The following CFAP74 variants were observed in gnomAD, a reference collection of about 807,000 sequenced individuals.
CFAP74 encodes cilia and flagella associated protein 74.
CFAP74 carries 124 observed loss-of-function variants against 188.9 expected under a neutral mutation model. The observed-to-expected ratio is 0.66, with a 90% CI of 0.57 to 0.76. The LOEUF (loss-of-function observed/expected upper bound fraction) is 0.76, where lower values mean the gene tolerates loss of function less well. Ranked by LOEUF, CFAP74 falls within the 30% of genes least tolerant of loss-of-function variation. The probability of loss-of-function intolerance (pLI) is 0.00; values close to 1 mark genes in which losing one functional copy is unlikely to be tolerated. For missense variants in CFAP74, 2,198 were observed against 2,165.2 expected (o/e 1.02, Z -0.30); for synonymous variants, 956 against 916.7 (o/e 1.04, Z -0.77).
intron 1 of CFAP74, among the ~76,000 whole-genome samples, chr1:1,993,981 C>CA (rs768891127): frequency 3.3e-4 from 50 of 150,052 alleles, no homozygotes; most frequent in Non-Finnish European, 4.7e-4. Flanking sequence ...GACTCCGTCT[C>CA]AAAAAAAATA....
chr1:1,991,777 C>T (rs1051371864), intron 1 of CFAP74, among the ~76,000 whole-genome samples: 69 of 152,256 alleles, frequency 4.5e-4, no homozygotes, highest in African/African-American at 9.9e-4. Flanking sequence ...TGGTGGCTCA[C>T]ACCTGTAATC....
chr1:1,932,702 C>T (rs961979116), intron 25 of CFAP74, among the ~76,000 whole-genome samples: 3 of 149,552 alleles, frequency 2.0e-5, no homozygotes, highest in Non-Finnish European at 4.4e-5. Context: ...CAATGATTCT[C>T]CTGCCTCAGT....
At chr1:2,003,223 C>G (rs1658289419) in intron 1 of CFAP74, among the ~76,000 whole-genome samples, 1 of 152,210 alleles carries the variant, frequency 6.6e-6, no homozygotes, top group African/African-American at 2.4e-5. Flanking sequence ...GTGGGCCCTA[C>G]AGCAGGCCTG....
At position 1,968,277 on chromosome 1, in the gene CFAP74, A is replaced by G. The variant is rs573487783; in HGVS notation, c.1245+358T>C. 6.6e-6 allele frequency among the ~76,000 whole-genome samples: 1 copy of G among 152,244 alleles called. No individual in the cohort carries two copies. The highest frequency in any genetic ancestry group is 2.4e-5 in the African/African-American group (1 of 41,538). ...GCATGTGGTCTGAACGGCTGTGCACATCTCCCTGGCAGGCGGCTGACCCAG... is the reference window on the plus strand; with the variant it reads ...GCATGTGGTCTGAACGGCTGTGCACGTCTCCCTGGCAGGCGGCTGACCCAG... On this transcript the variant is annotated intron_variant, in intron 11 of 38. Coordinates refer to ENST00000682832, the MANE Select transcript of CFAP74 (RefSeq NM_001304360.2). The surrounding 1 kb of genome is among the most constrained non-coding windows in gnomAD (Gnocchi z 4.3).
chr1:1,960,578 G>A (rs1329866490), intron 14 of CFAP74, among the ~76,000 whole-genome samples: 1 of 152,226 alleles, frequency 6.6e-6, no homozygotes, highest in South Asian at 2.1e-4. Flanking sequence ...CAGGGTGAGG[G>A]AGCATCTCCC....
chr1:1,949,734 T>C (rs1654090799), intron 18 of CFAP74, among the ~76,000 whole-genome samples: 1 of 152,180 alleles, frequency 6.6e-6, no homozygotes, highest in Non-Finnish European at 1.5e-5. Flanking sequence ...AGCCAAAATA[T>C]TCTTTTTCTA....
At chr1:1,998,164 G>T (rs1309522291) in intron 1 of CFAP74, among the ~76,000 whole-genome samples, 2 of 152,140 alleles carry the variant, frequency 1.3e-5, no homozygotes, top group Non-Finnish European at 2.9e-5. Context: ...TGTAATCCCA[G>T]CTACTTCGGA....
chr1:1,939,545 G>GACTTCCCAGC, intron 24 of CFAP74, 49 bp downstream of exon 24: 1 of 1,502,674 alleles, frequency 6.7e-7, no homozygotes, highest in Non-Finnish European at 8.9e-7. Flanking sequence ...CTGTCCCCAG[G>GACTTCCCAGC]ACTTCCCAGC....
chr1:1,991,096 G>T, intron 1 of CFAP74, 121 bp from the exon 2 acceptor site: 1 of 643,120 alleles, frequency 1.6e-6, no homozygotes, highest in Non-Finnish European at 2.7e-6. Flanking sequence ...AAAAATATTT[G>T]CAGCACACAC....
rs752282092 is a variant in CFAP74, at chr1:1,964,944, C to A, written c.1519G>T (p.Gly507Trp). ...SRVVHKQVVW[G>W]REFQGRPFNS... ...AAGGGGCGTCCTTGGAACTCACGCC[C>A]CCACACCACCTGCTTGTGGACCACC... The change falls in exon 13 of 39, where the codon GGG becomes TGG. Residue 507 changes from glycine to tryptophan, a missense_variant. Gly to Trp is a radical substitution (Grantham distance 184). Transcript: ENST00000682832. 1 of 1,614,006 alleles carries A rather than the reference C, an allele frequency of 6.2e-7. No individual in the cohort carries two copies. Among genetic ancestry groups the A allele is most frequent in the South Asian group, 1.1e-5 (1 of 91,084 alleles).
chr1:1,923,289 T>C lies in CFAP74; in HGVS notation c.4522+78A>G. ...GCTGGGAATCCCTGCCCTGCTCCGCTGGGTCTCGGGGCCCCCATCCACGGG... is the reference window on the plus strand; with the variant it reads ...GCTGGGAATCCCTGCCCTGCTCCGCCGGGTCTCGGGGCCCCCATCCACGGG... On this transcript the variant is annotated intron_variant, in intron 36 of 38. Transcript: ENST00000682832. The surrounding 1 kb of genome is among the most constrained non-coding windows in gnomAD (Gnocchi z 6.3). 32 of 1,506,356 alleles carry C rather than the reference T, an allele frequency of 2.1e-5. No homozygotes were observed. The highest frequency in any genetic ancestry group is 2.9e-5 in the Non-Finnish European group (32 of 1,119,182). The allele number at this position is 1,506,356 out of a possible 1,614,324, so 93.3% of individuals were successfully genotyped here.
At chr1:1,950,526 G>A (rs759765264) in intron 18 of CFAP74, among the ~76,000 whole-genome samples, 4 of 152,100 alleles carry the variant, frequency 2.6e-5, no homozygotes, top group African/African-American at 4.8e-5. Flanking sequence ...TTTTAGTAGA[G>A]ACGGGGTTTT....
rs1558009440 is a variant in CFAP74, at chr1:1,944,345, C to CCTGT, written c.2471_2472insACAG (p.Leu825GlnfsTer61). 6.5e-7 allele frequency: 1 copy of CCTGT among 1,535,464 alleles called. No homozygotes were observed. The highest frequency in any genetic ancestry group is 8.7e-7 in the Non-Finnish European group (1 of 1,146,798). ...AGGGGGCTCACCGCGTGTGCACGAG[C>CCTGT]ACAGAGTCCTGGTAGAGCCGGTCAT... On this transcript the variant is annotated frameshift_variant, in exon 21 of 39. Coordinates refer to ENST00000682832, the MANE Select transcript of CFAP74 (RefSeq NM_001304360.2). LOFTEE classifies it high-confidence loss of function.
At chr1:1,981,238 G>C (rs1209729547) in intron 6 of CFAP74, among the ~76,000 whole-genome samples, 1 of 152,234 alleles carries the variant, frequency 6.6e-6, no homozygotes, top group Non-Finnish European at 1.5e-5. Flanking sequence ...GCTGCACCCA[G>C]CCGTCCAGTG....
intron 18 of CFAP74, among the ~76,000 whole-genome samples, chr1:1,948,905 T>TCATTC (rs1653977021): frequency 2.7e-5 from 1 of 36,826 alleles, no homozygotes; most frequent in Non-Finnish European, 6.4e-5. Context: ...CTCCTTCCCT[T>TCATTC]CCTTCCTTCC....
chr1:1,991,473 CATG>C (rs1657560460), intron 1 of CFAP74, among the ~76,000 whole-genome samples: 2 of 152,240 alleles, frequency 1.3e-5, no homozygotes, highest in South Asian at 4.1e-4. Context: ...TGTGGTGGCG[CATG>C]CCTATAATCC....
At chr1:1,999,493 T>C (rs1422058543) in intron 1 of CFAP74, among the ~76,000 whole-genome samples, 1 of 152,034 alleles carries the variant, frequency 6.6e-6, no homozygotes, top group East Asian at 1.9e-4. Context: ...AAAGGGAAAA[T>C]TGGGTAGAGT....
At position 1,963,761 on chromosome 1, in the gene CFAP74, A is replaced by C; in HGVS notation, c.1682T>G (p.Phe561Cys). 6.2e-7 allele frequency: 1 copy of C among 1,611,842 alleles called. No homozygotes were observed. Among genetic ancestry groups the C allele is most frequent in the South Asian group, 1.1e-5 (1 of 90,944 alleles). The change falls in exon 14 of 39, where the codon TTC becomes TGC. Residue 561 changes from phenylalanine (F) to cysteine (C), a missense_variant. Phe to Cys is a radical substitution (Grantham distance 205, BLOSUM62 -2). Coordinates refer to ENST00000682832, the MANE Select transcript of CFAP74 (RefSeq NM_001304360.2). ...LVGVEEHLRD[F>C]IHVDFDPPGP... ...GCCGTCCTCTTACTCAACGTGGATG[A>C]AGTCCCGGAGGTGCTCCTCCACGCC...
intron 16 of CFAP74, among the ~76,000 whole-genome samples, chr1:1,958,469 C>T (rs376727591): frequency 9.6e-4 from 147 of 152,336 alleles, no homozygotes; most frequent in African/African-American, 3.1e-3. Context: ...TTCACACTCG[C>T]GGCTGAGCCA....
Sources: allele counts gnomAD v4.1 joint callset (sites outside exome capture counted in the v4.1 genomes callset), GRCh38; gene constraint gnomAD v4.1.1; non-coding constraint Gnocchi (gnomAD v3.1); transcripts MANE v1.5; gene names NCBI Gene and HGNC (gene_info 2026-07-23, HGNC 2026-07-21).